The following CORO2A variants were observed in gnomAD, a reference collection of about 807,000 sequenced individuals.
The protein encoded by CORO2A is coronin 2A.
A neutral mutation model predicts 62.4 loss-of-function variants in CORO2A; 47 were observed. The observed-to-expected ratio is 0.75, with a 90% CI of 0.60 to 0.96. The LOEUF (loss-of-function observed/expected upper bound fraction) is 0.96, where lower values mean the gene tolerates loss of function less well. Among genes scored for constraint, CORO2A ranks in the 40% least tolerant of loss-of-function variants. CORO2A has a pLI of 0.00. For synonymous variants in CORO2A, 273 were observed against 268.9 expected, an observed-to-expected ratio of 1.02 and a Z score of -0.15; for missense variants, 610 against 684.1, an observed-to-expected ratio of 0.89 and a Z score of 1.21.
intron 1 of CORO2A, among the ~76,000 whole-genome samples, chr9:98,158,355 G>A (rs1401366885): frequency 1.3e-5 from 2 of 152,204 alleles, no homozygotes; most frequent in African/African-American, 4.8e-5. Context: ...TAAGTTAGAT[G>A]ATGTATTTAG....
intron 1 of CORO2A, among the ~76,000 whole-genome samples, chr9:98,186,280 GC>G (rs1257419783): frequency 1.1e-4 from 16 of 152,008 alleles, no homozygotes; most frequent in Non-Finnish European, 1.9e-4. Flanking sequence ...GGGGTGGCTG[GC>G]GGGGGGAGGG....
Position 98,129,883 on chromosome 9 carries a change from C to T in CORO2A, c.878G>A (p.Gly293Asp). 1.2e-6 allele frequency: 2 copies of T among 1,613,428 alleles called. No individual in the cohort carries two copies. The highest frequency in any genetic ancestry group is 1.1e-5 in the South Asian group (1 of 91,068). The part of the protein sequence containing the change: ...SMLYVVGKGD[G>D]NIRYYEVSAD... ...GCTCACCTCGTAGTAGCGGATGTTGCCATCTCCCTGAGGAGGAGGAGAAGG... is the reference window on the plus strand; with the variant it reads ...GCTCACCTCGTAGTAGCGGATGTTGTCATCTCCCTGAGGAGGAGGAGAAGG... The change falls in exon 8 of 12, where the codon GGC becomes GAC. Residue 293 changes from glycine (G) to aspartate (D), a missense_variant. Coordinates refer to ENST00000375077, the MANE Select transcript of CORO2A (RefSeq NM_052820.4).
At chr9:98,155,636 C>T (rs1229053656) in intron 2 of CORO2A, among the ~76,000 whole-genome samples, 17 of 152,130 alleles carry the variant, frequency 1.1e-4, no homozygotes, top group East Asian at 1.9e-4. Flanking sequence ...TGAGCCACCA[C>T]GCCTGGCCTA....
intron 1 of CORO2A, among the ~76,000 whole-genome samples, chr9:98,176,570 T>C (rs942257173): frequency 1.3e-5 from 2 of 152,180 alleles, no homozygotes; most frequent in South Asian, 2.1e-4. Context: ...TGAAGACCTC[T>C]TAACTCAGGA....
At chr9:98,132,890 A>C in intron 5 of CORO2A, 148 bp downstream of exon 5, 1 of 873,254 alleles carries the variant, frequency 1.1e-6, no homozygotes, top group Non-Finnish European at 1.8e-6. Context: ...ACCTTCCAGC[A>C]ATCCCGAGAG....
intron 1 of CORO2A, among the ~76,000 whole-genome samples, chr9:98,163,894 G>A (rs1206593656): frequency 2.0e-5 from 3 of 152,088 alleles, no homozygotes; most frequent in Non-Finnish European, 2.9e-5. Flanking sequence ...AACTGGGCGT[G>A]GTGCAAACCA....
intron 1 of CORO2A, among the ~76,000 whole-genome samples, chr9:98,159,651 G>C (rs867664664): frequency 1.3e-5 from 2 of 151,636 alleles, no homozygotes; most frequent in African/African-American, 4.8e-5. Flanking sequence ...TTCCTCCAGA[G>C]AGTCCTCCTT....
chr9:98,192,024 G>C (rs1828311056), intron 1 of CORO2A, among the ~76,000 whole-genome samples: 1 of 152,242 alleles, frequency 6.6e-6, no homozygotes, highest in African/African-American at 2.4e-5. Flanking sequence ...CCTCTTGGCG[G>C]GCCGGCTGAT....
chr9:98,153,565 C>A (rs868439228), intron 2 of CORO2A, among the ~76,000 whole-genome samples: 2 of 151,550 alleles, frequency 1.3e-5, no homozygotes, highest in South Asian at 2.1e-4. Context: ...TACCACTGTG[C>A]CCAGCTAACT....
At chr9:98,138,492 T>C (rs1400073306) in intron 2 of CORO2A, among the ~76,000 whole-genome samples, 2 of 150,864 alleles carry the variant, frequency 1.3e-5, no homozygotes, top group Non-Finnish European at 2.9e-5. Flanking sequence ...ACAACCCAAA[T>C]GCCCATCAAG....
intron 1 of CORO2A, among the ~76,000 whole-genome samples, chr9:98,161,912 C>T (rs1365568658): frequency 6.6e-6 from 1 of 152,156 alleles, no homozygotes. Flanking sequence ...GGGGTCTGGC[C>T]CAACTCCTGA....
intron 9 of CORO2A, 142 bp from the exon 10 acceptor site, chr9:98,128,402 C>T (rs1018666329): frequency 7.7e-5 from 62 of 804,080 alleles, no homozygotes; most frequent in Non-Finnish European, 1.2e-4. Context: ...GGGACTTGCC[C>T]GAGGTCACGC....
rs1587991775 is a variant in CORO2A at position 98,130,975 on chromosome 9, T to C, written c.850A>G (p.Met284Val). Residue 284 changes from methionine (M) to valine (V), a missense_variant, in exon 7 of 12, where the codon ATG (methionine) becomes GTG (valine). Physicochemically the swap from Met to Val is conservative, Grantham distance 21. Coordinates refer to ENST00000375077, the MANE Select transcript of CORO2A (RefSeq NM_052820.4). ...CCGACCTTCCCCACCACGTAGAGCA[T>C]GCTGGTGTCCGCGTCATAGAAGGGA... ...LFPFYDADTS[M>V]LYVVGKGDGN... 1.9e-6 allele frequency: 3 copies of C among 1,613,912 alleles called. No individual in the cohort carries two copies. The highest frequency in any genetic ancestry group is 4.5e-5 in the East Asian group (2 of 44,866).
intron 1 of CORO2A, among the ~76,000 whole-genome samples, chr9:98,179,671 G>A (rs764639485): frequency 6.6e-5 from 10 of 152,084 alleles, no homozygotes; most frequent in African/African-American, 2.2e-4. Context: ...GTGAGCAGTC[G>A]GCCGGGCGCA....
chr9:98,181,310 C>T (rs1266508748), intron 1 of CORO2A, among the ~76,000 whole-genome samples: 1 of 150,330 alleles, frequency 6.7e-6, no homozygotes, highest in Non-Finnish European at 1.5e-5. Flanking sequence ...TCCTGTCCCA[C>T]CTTCAAATCA....
At chr9:98,191,638 T>C (rs919896252) in intron 1 of CORO2A, among the ~76,000 whole-genome samples, 5 of 152,128 alleles carry the variant, frequency 3.3e-5, no homozygotes, top group Admixed American at 6.5e-5. Flanking sequence ...GAGGGGATCT[T>C]ACAGAGGGGC....
At chr9:98,179,828 C>A (rs1393823074) in intron 1 of CORO2A, among the ~76,000 whole-genome samples, 4 of 152,048 alleles carry the variant, frequency 2.6e-5, no homozygotes, top group African/African-American at 9.7e-5. Context: ...CATGGTGAAA[C>A]CCCGTCTCTA....
chr9:98,132,069 G>A (rs1420586914), intron 6 of CORO2A, 116 bp downstream of exon 6: 9 of 829,820 alleles, frequency 1.1e-5, no homozygotes, highest in African/African-American at 1.7e-5. Context: ...CCAGCACCTG[G>A]CAGTCTACGC....
intron 2 of CORO2A, among the ~76,000 whole-genome samples, chr9:98,144,275 C>T (rs922740898): frequency 6.6e-6 from 1 of 152,086 alleles, no homozygotes; most frequent in African/African-American, 2.4e-5. Context: ...CTGCGTTGCT[C>T]ATAATATTTG....
Sources: allele counts gnomAD v4.1 joint callset (sites outside exome capture counted in the v4.1 genomes callset), GRCh38; gene constraint gnomAD v4.1.1; transcripts MANE v1.5; gene names NCBI Gene and HGNC (gene_info 2026-07-23, HGNC 2026-07-21).